Variants in SLC25A40 observed in about 807,000 individuals in gnomAD.
SLC25A40 encodes solute carrier family 25 member 40, also known as mitochondrial glutathione transporter SLC25A40.
A neutral mutation model predicts 46.5 loss-of-function variants in SLC25A40; 41 were observed. The ratio of observed to expected loss-of-function variants is 0.88; its 90% CI spans 0.69 to 1.14. The LOEUF is 1.14. Among genes scored for constraint, SLC25A40 ranks in the 50% most tolerant of loss-of-function variants. The probability of loss-of-function intolerance (pLI) is 0.00; values close to 1 mark genes in which losing one functional copy is unlikely to be tolerated. For missense variants in SLC25A40, 386 were observed against 393.6 expected (o/e 0.98, Z 0.16); for synonymous variants, 126 against 127.5 (o/e 0.99, Z 0.08).
chr7:87,872,681 G>T (rs896763100), intron 1 of SLC25A40, among the ~76,000 whole-genome samples: 7 of 152,170 alleles, frequency 4.6e-5, no homozygotes, highest in African/African-American at 1.7e-4. Flanking sequence ...TTAAATGCAG[G>T]CTGGGCACAG....
chr7:87,858,842 A>T, intron 2 of SLC25A40, 91 bp from the exon 3 acceptor site: 1 of 694,868 alleles, frequency 1.4e-6, no homozygotes, highest in South Asian at 1.7e-5. Context: ...GCAGCATCAC[A>T]TTAGTAAGAC....
At chr7:87,874,095 T>C (rs1398902580) in intron 1 of SLC25A40, among the ~76,000 whole-genome samples, 1 of 152,230 alleles carries the variant, frequency 6.6e-6, no homozygotes, top group African/African-American at 2.4e-5. Context: ...ACTAACAGAT[T>C]TAGGTTCCAG....
chr7:87,874,041 A>C (rs1467482850), intron 1 of SLC25A40, among the ~76,000 whole-genome samples: 3 of 152,214 alleles, frequency 2.0e-5, no homozygotes, highest in Admixed American at 6.5e-5. Context: ...AATAAAAAGG[A>C]GGTTTCTATC....
At chr7:87,875,654 G>A (rs1255926526) in intron 1 of SLC25A40, among the ~76,000 whole-genome samples, 2 of 151,622 alleles carry the variant, frequency 1.3e-5, no homozygotes, top group East Asian at 3.9e-4. Flanking sequence ...AAAAAAATGA[G>A]ATGTTACTTT....
chr7:87,848,101 A>G, intron 6 of SLC25A40, 124 bp from the exon 7 acceptor site: 1 of 1,095,978 alleles, frequency 9.1e-7, no homozygotes, highest in South Asian at 1.8e-5. Context: ...TAAAAACTAC[A>G]ATAAATCAGC....
At chr7:87,850,355 A>G (rs1318839080) in intron 5 of SLC25A40, among the ~76,000 whole-genome samples, 1 of 152,248 alleles carries the variant, frequency 6.6e-6, no homozygotes, top group Admixed American at 6.5e-5. Context: ...AGAGCTGAAG[A>G]GAAGTCTTCT....
chr7:87,847,460 G>C (rs913932869), intron 7 of SLC25A40, among the ~76,000 whole-genome samples: 2 of 152,172 alleles, frequency 1.3e-5, no homozygotes, highest in Non-Finnish European at 2.9e-5. Flanking sequence ...ATTTAGCAGA[G>C]TAAACGTTCT....
intron 6 of SLC25A40, among the ~76,000 whole-genome samples, chr7:87,849,422 T>C (rs1256804505): frequency 6.6e-6 from 1 of 152,190 alleles, no homozygotes; most frequent in Non-Finnish European, 1.5e-5. Context: ...GGTTTGAAGT[T>C]TTGCTCATCA....
At chr7:87,841,266 T>C (rs1838331173) in intron 10 of SLC25A40, among the ~76,000 whole-genome samples, 1 of 151,056 alleles carries the variant, frequency 6.6e-6, no homozygotes, top group Non-Finnish European at 1.5e-5. Context: ...TTTATTGGTT[T>C]ACTTGAAAGA....
Position 87,847,854 on chromosome 7 carries a change from T to G in SLC25A40, c.456A>C (p.Arg152Ser). The G allele has an allele frequency of 6.2e-7, 1 of 1,605,120 alleles. No homozygotes were observed. The highest frequency in any genetic ancestry group is 8.5e-7 in the Non-Finnish European group (1 of 1,177,490). Residue 152 changes from arginine to serine, a missense_variant and splice_region_variant, in exon 7 of 12, where the codon AGA becomes AGC. Physicochemically the swap from Arg to Ser is moderately radical, Grantham distance 110 (BLOSUM62 -1). Transcript: ENST00000341119. ...TGAAAATAAAGATTTATTACTCACA[T>G]CTGGCTACAATTCCAGCAACAATTG... ...CIPIVAGIVA[R>S]FGAVTVISPL...
At position 87,833,913 on chromosome 7, in the gene SLC25A40, G is replaced by C. The variant is rs1342920724; in HGVS notation, c.*2336C>G. 1 of 151,200 alleles carries C rather than the reference G, an allele frequency of 6.6e-6. No individual in the cohort carries two copies. The highest frequency in any genetic ancestry group is 2.4e-5 in the African/African-American group (1 of 41,174). 9.4% of individuals were successfully genotyped at this position (151,200 alleles called of 1,614,324 possible). ...TGCAGTTAAATAACCATAATGAATA[G>C]TTTTCCTAGAAAAAAAAATATTGCC... On this transcript the variant is annotated 3_prime_UTR_variant, in exon 12 of 12. Coordinates refer to ENST00000341119, the MANE Select transcript of SLC25A40 (RefSeq NM_018843.4).
At chr7:87,844,014 C>A in intron 8 of SLC25A40, 151 bp from the exon 9 acceptor site, 1 of 1,304,412 alleles carries the variant, frequency 7.7e-7, no homozygotes, top group Non-Finnish European at 9.7e-7. Flanking sequence ...GGTGGGATTT[C>A]TTTTTTTAAT....
intron 9 of SLC25A40, among the ~76,000 whole-genome samples, chr7:87,842,884 A>T (rs1838356025): frequency 6.6e-6 from 1 of 152,104 alleles, no homozygotes; most frequent in Non-Finnish European, 1.5e-5. Flanking sequence ...AATATCCTAA[A>T]GCCATTATTC....
At chr7:87,836,598 TATAATA>T in intron 11 of SLC25A40, 126 bp downstream of exon 11, 2 of 562,752 alleles carry the variant, frequency 3.6e-6, no homozygotes, top group South Asian at 7.9e-5. Flanking sequence ...TATTTTAACT[TATAATA>T]AAGATATTTA....
At chr7:87,854,404 A>C (rs1838570262) in intron 4 of SLC25A40, 94 bp from the exon 5 acceptor site, 1 of 702,154 alleles carries the variant, frequency 1.4e-6, no homozygotes, top group South Asian at 1.9e-5. Context: ...AGGAAACTAG[A>C]AAATTACGAA....
chr7:87,858,911 T>C (rs1051844165), intron 2 of SLC25A40, among the ~76,000 whole-genome samples, 160 bp from the exon 3 acceptor site: 4 of 152,128 alleles, frequency 2.6e-5, no homozygotes, highest in African/African-American at 7.2e-5. Flanking sequence ...GACCACTAAG[T>C]CTGAGTCTGT....
At position 87,833,799 on chromosome 7, in the gene SLC25A40, T is replaced by A. The variant is rs1461475641; in HGVS notation, c.*2450A>T. On this transcript the variant is annotated 3_prime_UTR_variant, in exon 12 of 12. Coordinates refer to ENST00000341119, the MANE Select transcript of SLC25A40 (RefSeq NM_018843.4). Reference sequence around the variant, plus strand: ...ATTAAGCCTAGTACCCATTAGTTATTTTTCCTGTTCCTCTCCCTCCTCCCA... The same window carrying A: ...ATTAAGCCTAGTACCCATTAGTTATATTTCCTGTTCCTCTCCCTCCTCCCA... 1 of 151,824 alleles carries A rather than the reference T, an allele frequency of 6.6e-6. No homozygotes were observed. The highest frequency in any genetic ancestry group is 2.4e-5 in the African/African-American group (1 of 41,372). The allele number at this position is 151,824 out of a possible 1,614,324, so 9.4% of individuals were successfully genotyped here.
In SLC25A40 at chr7:87,854,316, AAAG is replaced by A. The variant is rs750770830; in HGVS notation, c.158-9_158-7del. The A allele has an allele frequency of 2.6e-6, 4 of 1,563,388 alleles. No individual in the cohort carries two copies. The Middle Eastern group carries it at 5.1e-4, about 197-fold the overall frequency. On this transcript the variant is annotated splice_polypyrimidine_tract_variant and splice_region_variant and intron_variant, in intron 4 of 11. Coordinates refer to ENST00000341119, the MANE Select transcript of SLC25A40 (RefSeq NM_018843.4). Reference sequence around the variant, plus strand: ...ACTATATACAAAACATTTTCCTAACAAAGAAGATTCCAACAACCAACAATTACC... The same window carrying A: ...ACTATATACAAAACATTTTCCTAACAAAGATTCCAACAACCAACAATTACC...
chr7:87,852,657 T>TA (rs1197873777), intron 5 of SLC25A40, among the ~76,000 whole-genome samples: 8 of 152,300 alleles, frequency 5.3e-5, no homozygotes, highest in African/African-American at 1.7e-4. Context: ...AGGACTGTGG[T>TA]ATTGACAGAG....
Sources: gnomAD v4.1 joint callset for allele counts (sites outside exome capture counted in the v4.1 genomes callset) on GRCh38, gnomAD v4.1.1 for gene constraint, MANE v1.5 for transcripts, NCBI Gene and HGNC (gene_info 2026-07-23, HGNC 2026-07-21) for gene names.